PLEKHM1: variants seen among roughly 807,000 people sequenced by gnomAD.
PLEKHM1 encodes the protein pleckstrin homology domain-containing family M member 1.
Under a neutral mutation model 94.3 loss-of-function variants are expected in PLEKHM1, and 28 were observed. The ratio of observed to expected loss-of-function variants is 0.30; its 90% CI spans 0.22 to 0.41. PLEKHM1 has a LOEUF of 0.41. Among genes scored for constraint, PLEKHM1 ranks in the 10% least tolerant of loss-of-function variants. PLEKHM1 has a pLI of 1.00. For missense variants in PLEKHM1, 907 were observed against 1,358.6 expected, an observed-to-expected ratio of 0.67 and a Z score of 5.22; for synonymous variants, 424 against 581.2, an observed-to-expected ratio of 0.73 and a Z score of 3.89.
At chr17:45,473,958 A>G (rs1488348060) in intron 4 of PLEKHM1, among the ~76,000 whole-genome samples, 1 of 152,178 alleles carries the variant, frequency 6.6e-6, no homozygotes, top group Non-Finnish European at 1.5e-5. Context: ...AGAACAGGGT[A>G]GAGGGAGAAC....
chr17:45,486,235 T>TAAA (rs199879545), intron 1 of PLEKHM1, among the ~76,000 whole-genome samples: 15 of 136,884 alleles, frequency 1.1e-4, no homozygotes, highest in East Asian at 4.1e-4. Context: ...AAAGATAAAA[T>TAAA]AAAAAAATAA....
intron 1 of PLEKHM1, among the ~76,000 whole-genome samples, chr17:45,490,119 G>A (rs1295551534): frequency 1.3e-5 from 2 of 152,124 alleles, no homozygotes; most frequent in African/African-American, 2.4e-5. Context: ...TACTTTGGGG[G>A]TGGGTCTTAG....
chr17:45,447,613 G>C (rs1049487459), intron 8 of PLEKHM1, among the ~76,000 whole-genome samples: 17 of 152,054 alleles, frequency 1.1e-4, no homozygotes, highest in African/African-American at 3.9e-4. Flanking sequence ...GCACCAGTGG[G>C]TCAGCCAGGC....
At chr17:45,476,551 C>T (rs1460743553) in intron 3 of PLEKHM1, among the ~76,000 whole-genome samples, 3 of 152,136 alleles carry the variant, frequency 2.0e-5, no homozygotes, top group Non-Finnish European at 4.4e-5. Flanking sequence ...AATGGCCCCA[C>T]ACCCAGCTGT....
Position 45,445,201 on chromosome 17 carries a change from C to G in PLEKHM1, c.2837+269G>C, listed in dbSNP as rs12450776. On this transcript the variant is annotated intron_variant, in intron 9 of 11. Transcript: ENST00000430334. This position sits in a 1 kb window ranked among gnomAD's most constrained non-coding sequence, Gnocchi z 4.2. ...CATTTCGCAGGCCCAGTGGGAAGAT[C>G]TCTGCCCAGGTTTCCTCCAGGTGGA... is the stretch of plus-strand genomic sequence containing the variant. 6.2e-3 allele frequency among the ~76,000 whole-genome samples: 938 copies of G among 152,370 alleles called. 6 individuals are homozygous for G. The highest frequency in any genetic ancestry group is 0.021 in the African/African-American group (893 of 41,586).
intron 11 of PLEKHM1, among the ~76,000 whole-genome samples, chr17:45,438,561 C>T (rs35354512): frequency 0.13 from 19,398 of 151,292 alleles, 1,580 homozygotes; most frequent in Middle Eastern, 0.21. Context: ...TTTTTACTTA[C>T]TTTATTTATT....
chr17:45,473,568 T>A (rs1323250621), intron 4 of PLEKHM1, among the ~76,000 whole-genome samples: 1 of 152,136 alleles, frequency 6.6e-6, no homozygotes, highest in African/African-American at 2.4e-5. Context: ...CTTTTATTTT[T>A]TTTTTTTTGG....
At chr17:45,446,068 A>T (rs1328639526) in intron 8 of PLEKHM1, 1 of 304,200 alleles carries the variant, frequency 3.3e-6, no homozygotes, top group East Asian at 8.3e-5. Flanking sequence ...TGACTCAGGA[A>T]CCAGGTGACG....
intron 11 of PLEKHM1, 41 bp from the exon 12 acceptor site, chr17:45,438,010 G>T: frequency 1.3e-6 from 2 of 1,529,584 alleles, no homozygotes; most frequent in Non-Finnish European, 1.8e-6. Flanking sequence ...CGGCTGGGCT[G>T]GAGGTTGCCC....
intron 4 of PLEKHM1, among the ~76,000 whole-genome samples, chr17:45,469,595 G>A (rs2051430711): frequency 6.6e-6 from 1 of 152,224 alleles, no homozygotes; most frequent in Non-Finnish European, 1.5e-5. Flanking sequence ...CATCTGCCCT[G>A]ATGGCTTGGA....
At position 45,454,179 on chromosome 17, in the gene PLEKHM1, G is replaced by C. The variant is rs753931445; in HGVS notation, c.1673C>G (p.Ser558Cys). 3 of 1,613,648 alleles carry C rather than the reference G, an allele frequency of 1.9e-6. No individual in the cohort carries two copies. The highest frequency in any genetic ancestry group is 2.5e-6 in the Non-Finnish European group (3 of 1,179,898). The change falls in exon 7 of 12, where the codon TCC (serine) becomes TGC (cysteine). Residue 558 changes from serine (S) to cysteine (C), a missense_variant. By Grantham distance (112) the Ser-to-Cys change is moderately radical. This residue lies in a region of PLEKHM1 where 477 missense variants were observed against 601.5 expected (regional missense o/e 0.79). Transcript: ENST00000430334. ...CAGGTAGAGGCGGAACTCCAGCGGG[G>C]AGAGCTCGCAGAAGAGCTCCTTCCA... ...GIWKELFCELSPLEFRLYLSN... is the reference protein window; with the variant it reads ...GIWKELFCELCPLEFRLYLSN...
At chr17:45,488,775 A>G (rs970502640) in intron 1 of PLEKHM1, among the ~76,000 whole-genome samples, 1 of 152,106 alleles carries the variant, frequency 6.6e-6, no homozygotes, top group African/African-American at 2.4e-5. Flanking sequence ...CCCCATCTCT[A>G]CTAAAAATAC....
downstream of PLEKHM1, among the ~76,000 whole-genome samples, chr17:45,435,295 T>A (rs1299200074): frequency 6.6e-6 from 1 of 152,164 alleles, no homozygotes; most frequent in African/African-American, 2.4e-5. Flanking sequence ...GCAACCTGAT[T>A]TCCCTGAGAA....
At chr17:45,468,685 TTTTATGA>T in intron 4 of PLEKHM1, 92 bp from the exon 5 acceptor site, 1 of 1,309,126 alleles carries the variant, frequency 7.6e-7, no homozygotes, top group Non-Finnish European at 1.1e-6. Context: ...AAAACTGCTG[TTTTATGA>T]TTTAAAACAA....
intron 4 of PLEKHM1, among the ~76,000 whole-genome samples, chr17:45,474,046 T>TTTTA (rs1359290074): frequency 6.6e-6 from 1 of 150,444 alleles, no homozygotes; most frequent in African/African-American, 2.4e-5. Flanking sequence ...AAATTTTTTA[T>TTTTA]TTTATTTATT....
At chr17:45,449,741 C>T (rs577963448) in intron 8 of PLEKHM1, among the ~76,000 whole-genome samples, 2 of 151,410 alleles carry the variant, frequency 1.3e-5, no homozygotes, top group East Asian at 3.9e-4. Flanking sequence ...TACCCATCCA[C>T]CTACCTACCT....
intron 4 of PLEKHM1, among the ~76,000 whole-genome samples, chr17:45,474,012 T>A (rs1427854307): frequency 2.0e-5 from 3 of 151,880 alleles, no homozygotes; most frequent in African/African-American, 7.2e-5. Flanking sequence ...AGATTTTTTT[T>A]AACCATAAAA....
At chr17:45,443,430 C>T (rs1005342085) in intron 9 of PLEKHM1, among the ~76,000 whole-genome samples, 66 of 152,382 alleles carry the variant, frequency 4.3e-4, no homozygotes, top group African/African-American at 1.6e-3. Flanking sequence ...GGGCCTCCCA[C>T]ACTCTTTCCC....
At chr17:45,466,079 C>A (rs2684529) in intron 5 of PLEKHM1, among the ~76,000 whole-genome samples, 1 of 152,150 alleles carries the variant, frequency 6.6e-6, no homozygotes, top group Admixed American at 6.5e-5. Flanking sequence ...TTTCAGGAAG[C>A]AAATCTTCAG....
Sources: allele counts gnomAD v4.1 joint callset (sites outside exome capture counted in the v4.1 genomes callset), GRCh38; gene constraint gnomAD v4.1.1; regional missense constraint gnomAD v4.1.1; non-coding constraint Gnocchi (gnomAD v3.1); transcripts MANE v1.5; gene names NCBI Gene and HGNC (gene_info 2026-07-23, HGNC 2026-07-21).